Variants in EPB41L4A observed in about 807,000 individuals in gnomAD.
EPB41L4A encodes erythrocyte membrane protein band 4.1 like 4A.
Under a neutral mutation model 108.6 loss-of-function variants are expected in EPB41L4A, and 100 were observed. That is an observed-to-expected ratio of 0.92 (90% CI 0.78 to 1.09). The LOEUF is 1.09. Among genes scored for constraint, EPB41L4A ranks in the 50% least tolerant of loss-of-function variants. The pLI, the probability that EPB41L4A is intolerant of heterozygous loss-of-function variation, is 0.00. For synonymous variants in EPB41L4A, 319 were observed against 289.0 expected, an observed-to-expected ratio of 1.10 and a Z score of -1.05; for missense variants, 1,030 against 842.7, an observed-to-expected ratio of 1.22 and a Z score of -2.75.
chr5:112,284,374 T>C (rs563362334), intron 2 of EPB41L4A, among the ~76,000 whole-genome samples: 1 of 152,290 alleles, frequency 6.6e-6, no homozygotes, highest in East Asian at 1.9e-4. Context: ...CTGGGTCCAA[T>C]GTTGATTCAG....
intron 1 of EPB41L4A, among the ~76,000 whole-genome samples, chr5:112,375,331 A>T (rs547884430): frequency 0.013 from 1,719 of 137,454 alleles, 23 homozygotes; most frequent in South Asian, 0.038. Flanking sequence ...TCGCACACAC[A>T]CACATACACA....
At chr5:112,248,827 G>C (rs904511435) in intron 9 of EPB41L4A, among the ~76,000 whole-genome samples, 15 of 152,000 alleles carry the variant, frequency 9.9e-5, no homozygotes, top group Non-Finnish European at 2.2e-4. Flanking sequence ...TTTCTGCCTG[G>C]GCCTAGTCCC....
intron 18 of EPB41L4A, chr5:112,175,345 A>T (rs1760807036): frequency 6.6e-6 from 1 of 152,216 alleles, no homozygotes; most frequent in African/African-American, 2.4e-5. Flanking sequence ...TGTAGCTGAA[A>T]AATGTACTAA....
chr5:112,416,228 T>C (rs1405182242), intron 1 of EPB41L4A, among the ~76,000 whole-genome samples: 1 of 152,116 alleles, frequency 6.6e-6, no homozygotes, highest in African/African-American at 2.4e-5. Flanking sequence ...CCAAAGAATG[T>C]TTTTCAAAAT....
intron 12 of EPB41L4A, among the ~76,000 whole-genome samples, chr5:112,216,681 G>A (rs1323411808): frequency 6.6e-6 from 1 of 152,040 alleles, no homozygotes; most frequent in Non-Finnish European, 1.5e-5. Context: ...TAAGTTATTA[G>A]GTTTCAGTTA....
intron 1 of EPB41L4A, among the ~76,000 whole-genome samples, chr5:112,395,382 C>T (rs1761259637): frequency 6.6e-6 from 1 of 152,160 alleles, no homozygotes; most frequent in African/African-American, 2.4e-5. Context: ...CTACAAAGAA[C>T]TTAAAACAAA....
At chr5:112,299,785 C>T (rs1754236350) in intron 2 of EPB41L4A, among the ~76,000 whole-genome samples, 1 of 152,142 alleles carries the variant, frequency 6.6e-6, no homozygotes, top group Non-Finnish European at 1.5e-5. Context: ...TACTGTGTTG[C>T]TCTCTATCTC....
chr5:112,371,484 C>CG (rs1759492322), intron 1 of EPB41L4A, among the ~76,000 whole-genome samples: 1 of 152,148 alleles, frequency 6.6e-6, no homozygotes, highest in African/African-American at 2.4e-5. Context: ...CACTTCCCTC[C>CG]GTTCCTCAGA....
chr5:112,198,083 G>T (rs1762047893), intron 15 of EPB41L4A, among the ~76,000 whole-genome samples: 1 of 151,844 alleles, frequency 6.6e-6, no homozygotes, highest in African/African-American at 2.4e-5. Flanking sequence ...GCCCAACCTG[G>T]AGTACAGTGG....
intron 12 of EPB41L4A, among the ~76,000 whole-genome samples, chr5:112,152,248 G>GGA (rs1759498764): frequency 6.6e-6 from 1 of 151,426 alleles, no homozygotes; most frequent in Non-Finnish European, 1.5e-5. Context: ...AAAATAAAAT[G>GGA]GTAGAAATTA....
At chr5:112,298,167 G>A (rs1331279237) in intron 2 of EPB41L4A, among the ~76,000 whole-genome samples, 1 of 152,102 alleles carries the variant, frequency 6.6e-6, no homozygotes, top group South Asian at 2.1e-4. Context: ...TGTGAAGAAT[G>A]ATGGTGGTAT....
chr5:112,259,747 G>A, intron 8 of EPB41L4A, 144 bp downstream of exon 8: 1 of 649,944 alleles, frequency 1.5e-6, no homozygotes, highest in East Asian at 2.7e-5. Flanking sequence ...GGTGCAACAG[G>A]AGAAAACTCA....
downstream of EPB41L4A, among the ~76,000 whole-genome samples, chr5:112,141,962 A>G (rs73227493): frequency 0.093 from 14,128 of 152,260 alleles, 805 homozygotes; most frequent in Non-Finnish European, 0.13. Flanking sequence ...AGAAGAATAA[A>G]TGTAACACTC....
At chr5:112,307,191 TG>T (rs1337219729) in intron 2 of EPB41L4A, among the ~76,000 whole-genome samples, 194 bp downstream of exon 2, 3 of 152,134 alleles carry the variant, frequency 2.0e-5, no homozygotes, top group Non-Finnish European at 1.5e-5. Context: ...ACAGAAGCTG[TG>T]AATCCAGCAA....
At chr5:112,334,039 G>A (rs1348804398) in intron 1 of EPB41L4A, among the ~76,000 whole-genome samples, 2 of 152,170 alleles carry the variant, frequency 1.3e-5, no homozygotes, top group South Asian at 4.2e-4. Context: ...GGAACGGGTT[G>A]CGGGGTGAGG....
rs527279157 is a variant in EPB41L4A, at chr5:112,208,902, A to C, written c.1178+990T>G. On this transcript the variant is annotated intron_variant, in intron 13 of 22. Coordinates refer to ENST00000261486, the MANE Select transcript of EPB41L4A (RefSeq NM_022140.5). ...TCCACAGCTTGAGGGTGACTAAGGG[A>C]AATACAGTAAACTAAAGTTATGCAA... is the stretch of plus-strand genomic sequence containing the variant. 2.0e-5 allele frequency among the ~76,000 whole-genome samples: 3 copies of C among 152,304 alleles called. No individual in the cohort carries two copies. The East Asian group carries it at 5.8e-4, about 29-fold the overall frequency.
intron 18 of EPB41L4A, among the ~76,000 whole-genome samples, chr5:112,172,626 T>C (rs753130717): frequency 6.6e-6 from 1 of 152,150 alleles, no homozygotes; most frequent in Non-Finnish European, 1.5e-5. Flanking sequence ...CTAGATAATA[T>C]GTTAACCCCA....
intron 1 of EPB41L4A, among the ~76,000 whole-genome samples, chr5:112,417,940 G>A (rs1762805126): frequency 6.6e-6 from 1 of 152,140 alleles, no homozygotes; most frequent in African/African-American, 2.4e-5. Flanking sequence ...AAAAGGAAAT[G>A]CCCAGGGCCT....
intron 18 of EPB41L4A, among the ~76,000 whole-genome samples, chr5:112,180,693 A>G (rs922800920): frequency 3.3e-5 from 5 of 151,992 alleles, no homozygotes; most frequent in African/African-American, 1.2e-4. Flanking sequence ...GAAATGAAAA[A>G]AACTGATACA....
Sources: gnomAD v4.1 joint callset for allele counts (sites outside exome capture counted in the v4.1 genomes callset) on GRCh38, gnomAD v4.1.1 for gene constraint, MANE v1.5 for transcripts, NCBI Gene and HGNC (gene_info 2026-07-23, HGNC 2026-07-21) for gene names.